RHCG: variants seen among roughly 807,000 people sequenced by gnomAD.
The protein encoded by RHCG is Rh family C glycoprotein, also known as ammonium transporter Rh type C.
In RHCG, 39 loss-of-function variants were observed where a neutral mutation model predicts 55.3. The observed-to-expected ratio is 0.70, with a 90% CI of 0.55 to 0.92. The LOEUF is 0.92. Among genes scored for constraint, RHCG ranks in the 40% least tolerant of loss-of-function variants. RHCG has a pLI of 0.00. For missense variants in RHCG, 635 were observed against 627.9 expected, an observed-to-expected ratio of 1.01 and a Z score of -0.12; for synonymous variants, 250 against 246.8, an observed-to-expected ratio of 1.01 and a Z score of -0.12.
intron 2 of RHCG, chr15:89,486,564 C>A: frequency 3.7e-6 from 1 of 267,044 alleles, no homozygotes; most frequent in Non-Finnish European, 7.0e-6. Context: ...GAGAGAGAGA[C>A]AGAGAGAGAG....
intron 1 of RHCG, among the ~76,000 whole-genome samples, chr15:89,489,650 C>T (rs998099685): frequency 3.3e-5 from 5 of 152,144 alleles, no homozygotes; most frequent in African/African-American, 1.2e-4. Flanking sequence ...GCTGCTCTGG[C>T]CTCCCTTCTG....
chr15:89,479,634 C>G, intron 4 of RHCG, 146 bp from the exon 5 acceptor site: 1 of 734,770 alleles, frequency 1.4e-6, no homozygotes, highest in African/African-American at 1.8e-5. Context: ...CATGCAGGGG[C>G]TCTTCCTGGA....
At chr15:89,483,027 G>A in intron 3 of RHCG, 40 bp downstream of exon 3, 1 of 1,518,066 alleles carries the variant, frequency 6.6e-7, no homozygotes, top group South Asian at 1.3e-5. Context: ...GTCCCCCAAA[G>A]CACCCCCACC....
Position 89,477,888 on chromosome 15 carries a change from G to A in RHCG, c.924C>T (p.Ile308=). The A allele has an allele frequency of 6.2e-7, 1 of 1,614,128 alleles. No homozygotes were observed. Among genetic ancestry groups the A allele is most frequent in the Non-Finnish European group, 8.5e-7 (1 of 1,180,022 alleles). Residue 308 remains isoleucine, a synonymous_variant, in exon 6 of 11, where the codon ATC becomes ATT. Transcript: ENST00000268122. This position sits in a 1 kb window ranked among gnomAD's most constrained non-coding sequence, Gnocchi z 4.5. The part of the protein sequence containing the change: ...EMMLMPYGAL[I]IGFVCGIIST... ...AGATGATGCCGCAGACGAAGCCGAT[G>A]ATGAGGGCACCGTAAGGCATGAGCA...
rs113772559 is a variant in RHCG at position 89,477,060 on chromosome 15, T to A, written c.1237+22A>T. 3.3e-5 allele frequency: 54 copies of A among 1,613,868 alleles called. No individual in the cohort carries two copies. In the African/African-American group the frequency reaches 4.4e-4, roughly 13 times the overall value. On this transcript the variant is annotated intron_variant, in intron 8 of 10. Coordinates refer to ENST00000268122, the MANE Select transcript of RHCG (RefSeq NM_016321.3). This position sits in a 1 kb window ranked among gnomAD's most constrained non-coding sequence, Gnocchi z 4.5. ...GCCCCACAGCAGCACCCCCCTTCTCTGGCTCAGCCATTCCTGCTCACCCAC... is the reference window on the plus strand; with the variant it reads ...GCCCCACAGCAGCACCCCCCTTCTCAGGCTCAGCCATTCCTGCTCACCCAC...
At chr15:89,473,711 G>A (rs553077289) in intron 9 of RHCG, among the ~76,000 whole-genome samples, 4 of 152,298 alleles carry the variant, frequency 2.6e-5, no homozygotes, top group African/African-American at 9.6e-5. Context: ...AAAATATGTG[G>A]GAGGATACAT....
Position 89,477,922 on chromosome 15 carries a change from G to C in RHCG, c.890C>G (p.Ala297Gly), listed in dbSNP as rs976536601. Residue 297 changes from alanine (A) to glycine (G), a missense_variant, in exon 6 of 11, where the codon GCT (alanine) becomes GGT (glycine). Coordinates refer to ENST00000268122, the MANE Select transcript of RHCG (RefSeq NM_016321.3). This position sits in a 1 kb window ranked among gnomAD's most constrained non-coding sequence, Gnocchi z 4.5. The part of the protein sequence containing the change: ...LAGGVAVGTA[A>G]EMMLMPYGAL... Reference sequence around the variant, plus strand: ...ACCGTAAGGCATGAGCATCATCTCAGCAGCGGTACCCACGGCCACCCCTCC... The same window carrying C: ...ACCGTAAGGCATGAGCATCATCTCACCAGCGGTACCCACGGCCACCCCTCC... 1.2e-6 allele frequency: 2 copies of C among 1,613,554 alleles called. No homozygotes were observed. The highest frequency in any genetic ancestry group is 2.7e-5 in the African/African-American group (2 of 74,922).
intron 1 of RHCG, among the ~76,000 whole-genome samples, chr15:89,490,464 C>T (rs1567228989): frequency 1.3e-5 from 2 of 152,170 alleles, no homozygotes; most frequent in South Asian, 2.1e-4. Context: ...TCTCAATGTG[C>T]GCAAATGATT....
Position 89,483,144 on chromosome 15 carries a change from T to G in RHCG, c.445A>C (p.Ile149Leu), listed in dbSNP as rs766820131. 2.5e-6 allele frequency: 4 copies of G among 1,607,792 alleles called. No homozygotes were observed. In the African/African-American group the frequency reaches 4.0e-5, roughly 16 times the overall value. The change falls in exon 3 of 11, where the codon ATT becomes CTT. Residue 149 changes from isoleucine (I) to leucine (L), a missense_variant. Coordinates refer to ENST00000268122, the MANE Select transcript of RHCG (RefSeq NM_016321.3). ...AAGAAAGTCATGATGAGCAGCTGAATGGGGCTGACTTTACCCAGAACTGCC... is the reference window on the plus strand; with the variant it reads ...AAGAAAGTCATGATGAGCAGCTGAAGGGGGCTGACTTTACCCAGAACTGCC... Reference protein sequence around the residue: ...FGAVLGKVSPIQLLIMTFFQV... With the variant: ...FGAVLGKVSPLQLLIMTFFQV...
Position 89,477,885 on chromosome 15 carries a change from G to T in RHCG, c.927C>A (p.Ile309=). 1.9e-6 allele frequency: 3 copies of T among 1,614,104 alleles called. No homozygotes were observed. Among genetic ancestry groups the T allele is most frequent in the Non-Finnish European group, 2.5e-6 (3 of 1,180,008 alleles). The stretch of plus-strand genomic sequence containing the variant: ...TGGAGATGATGCCGCAGACGAAGCC[G>T]ATGATGAGGGCACCGTAAGGCATGA... ...MMLMPYGALI[I]GFVCGIISTL... Residue 309 remains isoleucine, a synonymous_variant, in exon 6 of 11, where the codon ATC becomes ATA. Transcript: ENST00000268122. The surrounding 1 kb of genome is among the most constrained non-coding windows in gnomAD (Gnocchi z 4.5).
rs1424616641 is a variant in RHCG, at chr15:89,479,498, C to T, written c.671-10G>A. On this transcript the variant is annotated splice_polypyrimidine_tract_variant and intron_variant, in intron 4 of 10. Coordinates refer to ENST00000268122, the MANE Select transcript of RHCG (RefSeq NM_016321.3). ...CACAGGAAGAGGGTGCCTGGTCAGA[C>T]CAGACAGGCCCAATGGGCCCGGGAG... is the stretch of plus-strand genomic sequence containing the variant. 2 of 1,605,122 alleles carry T rather than the reference C, an allele frequency of 1.2e-6. No individual in the cohort carries two copies. The highest frequency in any genetic ancestry group is 1.7e-6 in the Non-Finnish European group (2 of 1,175,490).
At chr15:89,478,188 C>T (rs1243677848) in intron 5 of RHCG, among the ~76,000 whole-genome samples, 1 of 152,224 alleles carries the variant, frequency 6.6e-6, no homozygotes. Context: ...GCACATGCCA[C>T]CCATCCCGCC....
Position 89,496,411 on chromosome 15 carries a change from G to A in RHCG, c.134C>T (p.Thr45Met), listed in dbSNP as rs141194535. Reference sequence around the variant, plus strand: ...CTCCATGTCGCTCAAGTTCTTGTGCGTCCTCTCTGACCACCAGTGGGCGTC... The same window carrying A: ...CTCCATGTCGCTCAAGTTCTTGTGCATCCTCTCTGACCACCAGTGGGCGTC... ...EADAHWWSER[T>M]HKNLSDMENE... Residue 45 changes from threonine to methionine, a missense_variant, in exon 1 of 11, where the codon ACG (threonine) becomes ATG (methionine). Transcript: ENST00000268122. The A allele has an allele frequency of 8.7e-6, 14 of 1,613,912 alleles. No individual in the cohort carries two copies. The African/African-American group carries it at 1.9e-4, about 22-fold the overall frequency.
At position 89,477,173 on chromosome 15, in the gene RHCG, G is replaced by A. The variant is rs376624918; in HGVS notation, c.1146C>T (p.Asn382=). The change falls in exon 8 of 11, where the codon AAC becomes AAT. Residue 382 remains asparagine, a synonymous_variant. Transcript: ENST00000268122. This position sits in a 1 kb window ranked among gnomAD's most constrained non-coding sequence, Gnocchi z 4.5. ...CCTGTGTTCTTGCGGTCCAGTCCCC[G>A]TTGAAACCTTGAAAGTCAAAGGAAT... is the stretch of plus-strand genomic sequence containing the variant. ...LVHSFDFQGF[N]GDWTARTQGK... 109 of 1,613,892 alleles carry A rather than the reference G, an allele frequency of 6.8e-5. No individual in the cohort carries two copies. The highest frequency in any genetic ancestry group is 7.9e-5 in the Non-Finnish European group (93 of 1,180,008).
chr15:89,483,319 C>A, intron 2 of RHCG, 102 bp from the exon 3 acceptor site: 2 of 1,096,270 alleles, frequency 1.8e-6, no homozygotes, highest in South Asian at 4.4e-5. Flanking sequence ...GTGGCTTAAC[C>A]TTTCTGAGCT....
chr15:89,483,220 G>T lies in RHCG; in HGVS notation c.372-3C>A, dbSNP rs765791274. The T allele has an allele frequency of 6.4e-7, 1 of 1,554,684 alleles. No individual in the cohort carries two copies. On this transcript the variant is annotated splice_polypyrimidine_tract_variant and splice_region_variant and intron_variant, in intron 2 of 10. Transcript: ENST00000268122. ...CGCAGAAGTCAGCGTTGATGAGGCT[G>T]TGGGGAGACAGGCCAGTGGAGAAGC...
intron 2 of RHCG, 66 bp downstream of exon 2, chr15:89,486,733 C>T: frequency 6.5e-7 from 1 of 1,529,674 alleles, no homozygotes; most frequent in Non-Finnish European, 8.9e-7. Context: ...CCTCCTCCCT[C>T]AGGCTCACCT....
At chr15:89,473,843 G>C (rs1029649318) in intron 9 of RHCG, among the ~76,000 whole-genome samples, 1 of 152,180 alleles carries the variant, frequency 6.6e-6, no homozygotes, top group Non-Finnish European at 1.5e-5. Flanking sequence ...GGTATATAGA[G>C]CTGAGAGGTG....
chr15:89,486,956 C>T lies in RHCG; in HGVS notation c.214G>A (p.Val72Met), dbSNP rs1188240417. 6.2e-7 allele frequency: 1 copy of T among 1,604,978 alleles called. No individual in the cohort carries two copies. The highest frequency in any genetic ancestry group is 1.7e-5 in the Admixed American group (1 of 59,582). The stretch of plus-strand genomic sequence containing the variant: ...AAAGTCATGAGGAAGCCGAAGCCCA[C>T]GAAGACCATCACGTGCACGTCCTGG... ...SFQDVHVMVF[V>M]GFGFLMTFLQ... Residue 72 changes from valine (V) to methionine (M), a missense_variant, in exon 2 of 11, where the codon GTG becomes ATG. Physicochemically the swap from Val to Met is conservative, Grantham distance 21. Coordinates refer to ENST00000268122, the MANE Select transcript of RHCG (RefSeq NM_016321.3).
Sources: gnomAD v4.1 joint callset for allele counts (sites outside exome capture counted in the v4.1 genomes callset) on GRCh38, gnomAD v4.1.1 for gene constraint, Gnocchi (gnomAD v3.1) non-coding constraint, MANE v1.5 for transcripts, NCBI Gene and HGNC (gene_info 2026-07-23, HGNC 2026-07-21) for gene names.